Variants in ZNF214 observed in about 807,000 individuals in gnomAD.
The protein encoded by ZNF214 is BWSCR2-associated zinc finger protein 1.
ZNF214 carries 43 observed loss-of-function variants against 53.9 expected under a neutral mutation model. The observed-to-expected ratio is 0.80, with a 90% confidence interval of 0.63 to 1.03. ZNF214 has a LOEUF of 1.03. Ranked by LOEUF, ZNF214 falls within the 50% of genes least tolerant of loss-of-function variation. ZNF214 has a pLI of 0.00. For missense variants in ZNF214, 724 were observed against 719.1 expected, an observed-to-expected ratio of 1.01 and a Z score of -0.08; for synonymous variants, 217 against 229.5, an observed-to-expected ratio of 0.95 and a Z score of 0.49.
chr11:7,008,052 T>C (rs1443283555), intron 1 of ZNF214, among the ~76,000 whole-genome samples: 1 of 152,068 alleles, frequency 6.6e-6, no homozygotes, highest in African/African-American at 2.4e-5. Flanking sequence ...TTCTTAATTG[T>C]TTTTTCTTCA....
chr11:7,004,591 C>T (rs1020332883), intron 1 of ZNF214, among the ~76,000 whole-genome samples: 6 of 151,984 alleles, frequency 3.9e-5, no homozygotes, highest in Non-Finnish European at 7.4e-5. Context: ...ACTTTGGAGG[C>T]GGGGTCATAA....
chr11:7,009,889 A>G (rs1019082133), intron 1 of ZNF214, among the ~76,000 whole-genome samples: 1 of 152,180 alleles, frequency 6.6e-6, no homozygotes, highest in Non-Finnish European at 1.5e-5. Flanking sequence ...TACCAGTCAG[A>G]TGGCTATTAT....
In ZNF214 at chr11:7,020,123, G is replaced by C. The variant is rs1330619163; in HGVS notation, c.-71C>G. 1.3e-5 allele frequency: 2 copies of C among 152,286 alleles called. No individual in the cohort carries two copies. The highest frequency in any genetic ancestry group is 1.9e-4 in the East Asian group (1 of 5,178). 9.4% of individuals were successfully genotyped at this position (152,286 alleles called of 1,614,324 possible). A position where few individuals can be genotyped will look rare whatever the true frequency, so the allele number is the denominator to read the frequency against. ...GAAGCCGTGATGTACCCATCTACAC[G>C]GGTGTCTCTGGGGTTTCTAAACCGG... On this transcript the variant is annotated 5_prime_UTR_variant, in exon 1 of 3. Coordinates refer to ENST00000278314, the MANE Select transcript of ZNF214 (RefSeq NM_013249.4).
chr11:7,017,765 A>G (rs576867042), intron 1 of ZNF214, among the ~76,000 whole-genome samples: 18 of 152,090 alleles, frequency 1.2e-4, no homozygotes, highest in Non-Finnish European at 2.4e-4. Context: ...AACTTAAATA[A>G]AGCATACTAT....
chr11:7,014,371 A>G (rs932441832), intron 1 of ZNF214, among the ~76,000 whole-genome samples: 3 of 152,252 alleles, frequency 2.0e-5, no homozygotes, highest in African/African-American at 7.2e-5. Context: ...AACAAAACAG[A>G]TAAGTTGTTC....
chr11:7,015,140 G>A (rs1163673284), intron 1 of ZNF214, among the ~76,000 whole-genome samples: 1 of 147,458 alleles, frequency 6.8e-6, no homozygotes, highest in Non-Finnish European at 1.5e-5. Context: ...TGCCCACGCT[G>A]GAGTGCGGTG....
chr11:7,015,540 G>A (rs1397996918), intron 1 of ZNF214, among the ~76,000 whole-genome samples: 1 of 152,008 alleles, frequency 6.6e-6, no homozygotes, highest in Admixed American at 6.6e-5. Context: ...GTGTGCCACT[G>A]AACTCCAGCC....
chr11:7,008,984 A>AT (rs1315673818), intron 1 of ZNF214, among the ~76,000 whole-genome samples: 2 of 152,108 alleles, frequency 1.3e-5, no homozygotes, highest in African/African-American at 4.8e-5. Flanking sequence ...TAGACTCAAC[A>AT]TAATCAAAAT....
chr11:6,998,590 C>T lies in ZNF214; in HGVS notation c.*1272G>A, dbSNP rs1029720033. ...TTTATTTTGATACAGTATTTCAGAG[C>T]TCCCTGAAGTCCTTCTTTGTTGTAT... is the stretch of plus-strand genomic sequence containing the variant. On this transcript the variant is annotated 3_prime_UTR_variant, in exon 3 of 3. Coordinates refer to ENST00000278314, the MANE Select transcript of ZNF214 (RefSeq NM_013249.4). Among the ~76,000 whole-genome samples, 3 of 151,920 alleles carry T rather than the reference C, an allele frequency of 2.0e-5. No individual in the cohort carries two copies. Among genetic ancestry groups the T allele is most frequent in the African/African-American group, 7.2e-5 (3 of 41,414 alleles).
At position 6,999,630 on chromosome 11, in the gene ZNF214, G is replaced by A; in HGVS notation, c.*232C>T. 1 of 351,074 alleles carries A rather than the reference G, an allele frequency of 2.8e-6. No individual in the cohort carries two copies. 21.7% of individuals were successfully genotyped at this position (351,074 alleles called of 1,614,324 possible). ...CTCCTTAAATGTTTAATATATTTAT[G>A]ACTGTATTATATTTATAGTAGGTAA... On this transcript the variant is annotated 3_prime_UTR_variant, in exon 3 of 3. Coordinates refer to ENST00000278314, the MANE Select transcript of ZNF214 (RefSeq NM_013249.4).
intron 1 of ZNF214, among the ~76,000 whole-genome samples, chr11:7,016,733 ATAACC>A (rs1851778853): frequency 6.6e-6 from 1 of 152,212 alleles, no homozygotes; most frequent in Admixed American, 6.5e-5. Context: ...GAAAAATTAA[ATAACC>A]TAAGTAGGAA....
intron 1 of ZNF214, among the ~76,000 whole-genome samples, chr11:7,011,350 G>A: frequency 6.6e-6 from 1 of 152,012 alleles, no homozygotes; most frequent in Non-Finnish European, 1.5e-5. Flanking sequence ...TTATAGGAAT[G>A]CAAGGATCGT....
In ZNF214 at chr11:6,998,251, T is replaced by A. The variant is rs1851232417; in HGVS notation, c.*1611A>T. On this transcript the variant is annotated 3_prime_UTR_variant, in exon 3 of 3. Transcript: ENST00000278314. ...GATAACCAGAATTTTTCTTTCTGCA[T>A]GCTTTTAATTGCTTCTTTCTAACCT... 6.6e-6 allele frequency among the ~76,000 whole-genome samples: 1 copy of A among 151,964 alleles called. No individual in the cohort carries two copies. The highest frequency in any genetic ancestry group is 1.5e-5 in the Non-Finnish European group (1 of 67,896).
chr11:7,011,003 T>C (rs1052698439), intron 1 of ZNF214, among the ~76,000 whole-genome samples: 1 of 151,774 alleles, frequency 6.6e-6, no homozygotes, highest in African/African-American at 2.4e-5. Flanking sequence ...AAAAATCATA[T>C]AGACTAGTAA....
At chr11:7,010,763 A>G (rs770870162) in intron 1 of ZNF214, among the ~76,000 whole-genome samples, 11 of 152,098 alleles carry the variant, frequency 7.2e-5, no homozygotes, top group Admixed American at 1.3e-4. Context: ...TTAATGTCAG[A>G]CCAATGAAAA....
Position 7,002,871 on chromosome 11 carries a change from CTAAG to C in ZNF214, c.-20-20_-20-17del, listed in dbSNP as rs1851387259. 6.4e-7 allele frequency: 1 copy of C among 1,559,526 alleles called. No homozygotes were observed. Among genetic ancestry groups the C allele is most frequent in the Non-Finnish European group, 8.6e-7 (1 of 1,159,364 alleles). The stretch of plus-strand genomic sequence containing the variant: ...ATCAGGCTTTCTAGGAAAAAGAAAT[CTAAG>C]TGAGAAGATGGACAAAGATAAAGAC... On this transcript the variant is annotated splice_polypyrimidine_tract_variant and intron_variant, in intron 1 of 2. Transcript: ENST00000278314.
At chr11:7,002,509 T>C (rs1390684008) in intron 2 of ZNF214, among the ~76,000 whole-genome samples, 200 bp downstream of exon 2, 1 of 151,972 alleles carries the variant, frequency 6.6e-6, no homozygotes, top group African/African-American at 2.4e-5. Context: ...AAACTAATAA[T>C]CACAAGTATC....
At position 6,998,019 on chromosome 11, in the gene ZNF214, T is replaced by C. The variant is rs1333290560; in HGVS notation, c.*1843A>G. ...GTCCTTTTATACCATGATTTCCACA[T>C]TCACAAACTCTCTTTAAGGCACATA... On this transcript the variant is annotated 3_prime_UTR_variant, in exon 3 of 3. Transcript: ENST00000278314. 1.3e-5 allele frequency among the ~76,000 whole-genome samples: 2 copies of C among 151,988 alleles called. No homozygotes were observed. Among genetic ancestry groups the C allele is most frequent in the Non-Finnish European group, 2.9e-5 (2 of 67,902 alleles).
rs999724790 is a variant in ZNF214 at position 7,010,574 on chromosome 11, A to C, written c.-20-7719T>G. On this transcript the variant is annotated intron_variant, in intron 1 of 2. Coordinates refer to ENST00000278314, the MANE Select transcript of ZNF214 (RefSeq NM_013249.4). ...TAACCCTAATCCTAAAATAAAAGTT[A>C]AGAAAATGGCTAGAAATAAATCATT... Among the ~76,000 whole-genome samples, 4 of 151,686 alleles carry C rather than the reference A, an allele frequency of 2.6e-5. No individual in the cohort carries two copies. The East Asian group carries it at 7.7e-4, about 29-fold the overall frequency.
Sources: gnomAD v4.1 joint callset for allele counts (sites outside exome capture counted in the v4.1 genomes callset) on GRCh38, gnomAD v4.1.1 for gene constraint, MANE v1.5 for transcripts, NCBI Gene and HGNC (gene_info 2026-07-23, HGNC 2026-07-21) for gene names.